GNA14: variants seen among roughly 807,000 people sequenced by gnomAD.
The protein encoded by GNA14 is G protein subunit alpha 14, also known as guanine nucleotide-binding protein subunit alpha-14.
A neutral mutation model predicts 42.0 loss-of-function variants in GNA14; 50 were observed. That is an observed-to-expected ratio of 1.19 (90% CI 0.95 to 1.51). The LOEUF is 1.51. GNA14 is among the 40% of genes most tolerant of loss of function. The pLI, the probability that GNA14 is intolerant of heterozygous loss-of-function variation, is 0.00. For missense variants in GNA14, 473 were observed against 446.2 expected (o/e 1.06, Z -0.54); for synonymous variants, 173 against 163.1 (o/e 1.06, Z -0.46).
intron 1 of GNA14, among the ~76,000 whole-genome samples, chr9:77,575,965 G>C (rs754095642): frequency 2.1e-4 from 32 of 152,178 alleles, no homozygotes; most frequent in Non-Finnish European, 3.4e-4. Context: ...TCAGGAGAAG[G>C]GGGTAGAAGC....
At chr9:77,483,499 G>C (rs1293978036) in intron 2 of GNA14, among the ~76,000 whole-genome samples, 1 of 152,160 alleles carries the variant, frequency 6.6e-6, no homozygotes, top group Non-Finnish European at 1.5e-5. Context: ...GTGCCTCCCA[G>C]TTAGGCTGCT....
chr9:77,645,247 C>T (rs1393539931), intron 1 of GNA14, among the ~76,000 whole-genome samples: 1 of 152,190 alleles, frequency 6.6e-6, no homozygotes, highest in Non-Finnish European at 1.5e-5. Context: ...AACTGAGGCA[C>T]CTGAGCAGTG....
intron 1 of GNA14, among the ~76,000 whole-genome samples, chr9:77,554,447 T>A (rs1822732868): frequency 6.6e-6 from 1 of 152,168 alleles, no homozygotes; most frequent in African/African-American, 2.4e-5. Context: ...TTGTTAAAAG[T>A]TTTTTTAAAG....
At chr9:77,504,963 C>T (rs965530602) in intron 2 of GNA14, among the ~76,000 whole-genome samples, 27 of 152,172 alleles carry the variant, frequency 1.8e-4, no homozygotes, top group East Asian at 7.8e-4. Flanking sequence ...CCACCGTGCC[C>T]GGCCTCTAGT....
chr9:77,570,705 G>A (rs886955821), intron 1 of GNA14, among the ~76,000 whole-genome samples: 3 of 152,102 alleles, frequency 2.0e-5, no homozygotes, highest in African/African-American at 4.8e-5. Flanking sequence ...GCACATTCAT[G>A]TACAAGTTTT....
chr9:77,528,950 A>G, intron 2 of GNA14, 119 bp downstream of exon 2: 1 of 831,154 alleles, frequency 1.2e-6, no homozygotes, highest in Admixed American at 2.0e-5. Flanking sequence ...TGATCCCCAC[A>G]CCCCAGGGAA....
At chr9:77,638,982 A>G (rs1348261301) in intron 1 of GNA14, among the ~76,000 whole-genome samples, 1 of 152,230 alleles carries the variant, frequency 6.6e-6, no homozygotes, top group African/African-American at 2.4e-5. Context: ...CTAGAGCAAT[A>G]TTAAATACAC....
intron 2 of GNA14, among the ~76,000 whole-genome samples, chr9:77,489,198 A>G (rs1024535706): frequency 6.6e-6 from 1 of 152,180 alleles, no homozygotes; most frequent in Non-Finnish European, 1.5e-5. Flanking sequence ...AATGAGCCCA[A>G]AGACAGGCGG....
intron 1 of GNA14, among the ~76,000 whole-genome samples, chr9:77,579,296 C>G (rs1339356075): frequency 6.6e-6 from 1 of 152,142 alleles, no homozygotes; most frequent in Non-Finnish European, 1.5e-5. Flanking sequence ...CCAACAAACA[C>G]CCATACCCAC....
intron 1 of GNA14, among the ~76,000 whole-genome samples, chr9:77,592,574 G>T (rs978354160): frequency 1.3e-5 from 2 of 152,120 alleles, no homozygotes; most frequent in Non-Finnish European, 2.9e-5. Context: ...GTTTACCCCA[G>T]TCACCACCAC....
chr9:77,618,043 C>A (rs1364885542), intron 1 of GNA14, among the ~76,000 whole-genome samples: 4 of 152,008 alleles, frequency 2.6e-5, no homozygotes, highest in African/African-American at 4.8e-5. Context: ...GTAAAGACAC[C>A]ATAAGACCAG....
intron 2 of GNA14, among the ~76,000 whole-genome samples, chr9:77,478,326 T>A (rs1836471457): frequency 2.0e-5 from 3 of 152,142 alleles, no homozygotes; most frequent in Admixed American, 2.0e-4. Context: ...TGATTTCCAA[T>A]TTCATCCATG....
intron 2 of GNA14, among the ~76,000 whole-genome samples, chr9:77,494,649 A>G (rs1836841778): frequency 6.6e-6 from 1 of 152,242 alleles, no homozygotes; most frequent in African/African-American, 2.4e-5. Context: ...ATCTTGGGAA[A>G]TTGTTTTAAA....
At chr9:77,502,741 G>C (rs577277521) in intron 2 of GNA14, among the ~76,000 whole-genome samples, 13 of 152,318 alleles carry the variant, frequency 8.5e-5, no homozygotes, top group East Asian at 3.9e-4. Context: ...GCCCAAGAAG[G>C]GGGGTTGGGT....
intron 2 of GNA14, among the ~76,000 whole-genome samples, chr9:77,494,916 C>T (rs1408326857): frequency 6.6e-6 from 1 of 152,190 alleles, no homozygotes; most frequent in South Asian, 2.1e-4. Context: ...TCTCCTGCCT[C>T]AGCCTCCCGA....
intron 2 of GNA14, among the ~76,000 whole-genome samples, chr9:77,443,524 C>T (rs1835768555): frequency 6.6e-6 from 1 of 152,158 alleles, no homozygotes; most frequent in Non-Finnish European, 1.5e-5. Flanking sequence ...CTTTTTAAAC[C>T]CAATTCAAGA....
chr9:77,620,044 T>C (rs747551538), intron 1 of GNA14, among the ~76,000 whole-genome samples: 3 of 152,110 alleles, frequency 2.0e-5, no homozygotes, highest in Non-Finnish European at 4.4e-5. Context: ...AGCAACTAGA[T>C]ATTATTTCCT....
At chr9:77,457,713 C>CGCCCA (rs1276290839) in intron 2 of GNA14, among the ~76,000 whole-genome samples, 1 of 152,172 alleles carries the variant, frequency 6.6e-6, no homozygotes, top group African/African-American at 2.4e-5. Context: ...GACACCCTCA[C>CGCCCA]GCCGCCCAGC....
intron 2 of GNA14, among the ~76,000 whole-genome samples, chr9:77,502,572 T>C (rs1264739278): frequency 2.0e-5 from 3 of 152,122 alleles, no homozygotes; most frequent in Non-Finnish European, 4.4e-5. Flanking sequence ...CCCCATGTGA[T>C]CTTTCCCTGT....
Sources: allele counts gnomAD v4.1 joint callset (sites outside exome capture counted in the v4.1 genomes callset), GRCh38; gene constraint gnomAD v4.1.1; transcripts MANE v1.5; gene names NCBI Gene and HGNC (gene_info 2026-07-23, HGNC 2026-07-21).